The following GALNT13 variants were observed in gnomAD, a reference collection of about 807,000 sequenced individuals.
GALNT13 encodes UDP-GalNAc:polypeptide N-acetylgalactosaminyltransferase 13.
GALNT13 carries 28 observed loss-of-function variants against 64.2 expected under a neutral mutation model. The ratio of observed to expected loss-of-function variants is 0.44; its 90% CI spans 0.32 to 0.60. GALNT13 has a LOEUF of 0.60. GALNT13 is among the 20% of genes least tolerant of loss of function. The pLI, the probability that GALNT13 is intolerant of heterozygous loss-of-function variation, is 0.05. For missense variants in GALNT13, 577 were observed against 669.8 expected (o/e 0.86, Z 1.53); for synonymous variants, 214 against 224.6 (o/e 0.95, Z 0.42).
chr2:154,182,068 A>G (rs1685989923), intron 4 of GALNT13, among the ~76,000 whole-genome samples: 2 of 152,168 alleles, frequency 1.3e-5, no homozygotes, highest in Admixed American at 6.6e-5. Flanking sequence ...GCTAACTATT[A>G]TATATGCGTT....
the GALNT13 span, among the ~76,000 whole-genome samples, chr2:153,702,042 G>C: frequency 6.6e-6 from 1 of 152,116 alleles, no homozygotes; most frequent in Non-Finnish European, 1.5e-5. Flanking sequence ...TATGTTTATT[G>C]CAACACTATT....
intron 4 of GALNT13, among the ~76,000 whole-genome samples, chr2:154,240,038 G>T (rs1352893162): frequency 6.6e-6 from 1 of 152,066 alleles, no homozygotes. Context: ...TAATTATCTA[G>T]CTCTTCAGAA....
the GALNT13 span, among the ~76,000 whole-genome samples, chr2:153,537,721 C>T: frequency 3.4e-4 from 52 of 152,200 alleles, no homozygotes; most frequent in Admixed American, 4.6e-4. Context: ...TGGATTCTCA[C>T]GAGATCTGAT....
chr2:153,866,969 A>AT (rs1171456504), upstream of GALNT13, among the ~76,000 whole-genome samples: 5 of 152,282 alleles, frequency 3.3e-5, no homozygotes, highest in African/African-American at 9.6e-5. Context: ...ATTGATTCAA[A>AT]TTTTTTTGTG....
At chr2:154,095,897 T>G (rs1276550192) in intron 3 of GALNT13, among the ~76,000 whole-genome samples, 2 of 151,992 alleles carry the variant, frequency 1.3e-5, no homozygotes, top group Non-Finnish European at 2.9e-5. Flanking sequence ...CATCAGCTCC[T>G]ATAAACCACA....
At chr2:153,511,363 G>T in the GALNT13 span, among the ~76,000 whole-genome samples, 1 of 152,038 alleles carries the variant, frequency 6.6e-6, no homozygotes, top group Non-Finnish European at 1.5e-5. Flanking sequence ...ATTCAAGCAG[G>T]TTCCTGTTAC....
At chr2:153,919,892 A>G (rs973143658) in intron 2 of GALNT13, among the ~76,000 whole-genome samples, 5 of 150,710 alleles carry the variant, frequency 3.3e-5, no homozygotes, top group African/African-American at 7.3e-5. Context: ...TAACTGGGCA[A>G]ATTAACCTCT....
chr2:153,344,574 G>T, the GALNT13 span, among the ~76,000 whole-genome samples: 9 of 152,072 alleles, frequency 5.9e-5, no homozygotes, highest in Non-Finnish European at 8.8e-5. Flanking sequence ...GCATTCCCCA[G>T]CTTTTTTTGT....
the GALNT13 span, among the ~76,000 whole-genome samples, chr2:153,128,615 A>C: frequency 6.6e-6 from 1 of 152,196 alleles, no homozygotes; most frequent in Non-Finnish European, 1.5e-5. Context: ...CACTCTAGTT[A>C]TATGTAAAAG....
Position 153,950,933 on chromosome 2 carries a change from A to C in GALNT13, c.142+6294A>C, listed in dbSNP as rs541863738. Among the ~76,000 whole-genome samples, 3 of 152,252 alleles carry C rather than the reference A, an allele frequency of 2.0e-5. No homozygotes were observed. In the East Asian group the frequency reaches 5.8e-4, roughly 29 times the overall value. Reference sequence around the variant, plus strand: ...CCGAATCTAAAATAAAATTATAAGAAAGAAAAAAGTTGTATCCTTCAAAGA... The same window carrying C: ...CCGAATCTAAAATAAAATTATAAGACAGAAAAAAGTTGTATCCTTCAAAGA... On this transcript the variant is annotated intron_variant, in intron 3 of 12. Coordinates refer to ENST00000392825, the MANE Select transcript of GALNT13 (RefSeq NM_052917.4).
chr2:154,131,257 G>T (rs760426071), intron 3 of GALNT13, among the ~76,000 whole-genome samples: 2 of 152,112 alleles, frequency 1.3e-5, no homozygotes, highest in African/African-American at 4.8e-5. Flanking sequence ...TATAAGAAGC[G>T]TATGAGCTTA....
chr2:153,737,505 C>T, the GALNT13 span, among the ~76,000 whole-genome samples: 1 of 151,730 alleles, frequency 6.6e-6, no homozygotes, highest in Non-Finnish European at 1.5e-5. Context: ...ATATAAATAT[C>T]TCCTAGGTTG....
At chr2:153,642,920 T>C in the GALNT13 span, among the ~76,000 whole-genome samples, 3 of 151,634 alleles carry the variant, frequency 2.0e-5, no homozygotes, top group Admixed American at 2.0e-4. Context: ...AAAACCCATA[T>C]ATTTTAAATT....
At chr2:154,048,392 C>T (rs1160706708) in intron 3 of GALNT13, among the ~76,000 whole-genome samples, 2 of 152,096 alleles carry the variant, frequency 1.3e-5, no homozygotes, top group African/African-American at 4.8e-5. Flanking sequence ...AAAACTACCC[C>T]CAGTTGAGAA....
chr2:154,151,432 G>C (rs1265736825), intron 4 of GALNT13, among the ~76,000 whole-genome samples: 1 of 152,178 alleles, frequency 6.6e-6, no homozygotes, highest in East Asian at 1.9e-4. Context: ...GAGTTCTGTA[G>C]ATGTCTATTA....
At chr2:153,478,436 C>T in the GALNT13 span, 1 of 1,613,986 alleles carries the variant, frequency 6.2e-7, no homozygotes, top group East Asian at 2.2e-5. Flanking sequence ...TCCGGGCCTC[C>T]CTCCGCGAAG....
chr2:153,629,903 A>G, the GALNT13 span, among the ~76,000 whole-genome samples: 1 of 148,718 alleles, frequency 6.7e-6, no homozygotes, highest in Non-Finnish European at 1.5e-5. Flanking sequence ...AAAAATGCTC[A>G]TCATCACTGG....
the GALNT13 span, among the ~76,000 whole-genome samples, chr2:153,731,104 G>A: frequency 6.6e-6 from 1 of 151,692 alleles, no homozygotes; most frequent in African/African-American, 2.4e-5. Flanking sequence ...ATGTTTGTGT[G>A]TGTGTGAATG....
chr2:153,928,675 T>C (rs1690312927), intron 2 of GALNT13, among the ~76,000 whole-genome samples: 1 of 152,212 alleles, frequency 6.6e-6, no homozygotes, highest in Non-Finnish European at 1.5e-5. Flanking sequence ...AATTTCATTA[T>C]GTTTTTGAGG....
Sources: gnomAD v4.1 joint callset for allele counts (sites outside exome capture counted in the v4.1 genomes callset) on GRCh38, gnomAD v4.1.1 for gene constraint, MANE v1.5 for transcripts, NCBI Gene and HGNC (gene_info 2026-07-23, HGNC 2026-07-21) for gene names.